ST6GALNAC3: variants seen among roughly 807,000 people sequenced by gnomAD.
ST6GALNAC3 encodes ST6 N-acetylgalactosaminide alpha-2,6-sialyltransferase 3, also known as alpha-N-acetylgalactosaminide alpha-2,6-sialyltransferase 3.
ST6GALNAC3 carries 25 observed loss-of-function variants against 32.7 expected under a neutral mutation model. The observed-to-expected ratio is 0.76, with a 90% CI of 0.56 to 1.07. The LOEUF (loss-of-function observed/expected upper bound fraction) is 1.07. ST6GALNAC3 is among the 50% of genes least tolerant of loss of function. The pLI is 0.00. For missense variants in ST6GALNAC3, 355 were observed against 382.4 expected (o/e 0.93, Z 0.60); for synonymous variants, 129 against 133.1 (o/e 0.97, Z 0.21).
intron 1 of ST6GALNAC3, among the ~76,000 whole-genome samples, chr1:76,241,838 G>A (rs1426668465): frequency 6.6e-6 from 1 of 152,046 alleles, no homozygotes; most frequent in South Asian, 2.1e-4. Context: ...CACTTTTAGT[G>A]TGACTACCAG....
chr1:76,076,549 G>A (rs746583440), intron 1 of ST6GALNAC3, among the ~76,000 whole-genome samples: 3 of 152,170 alleles, frequency 2.0e-5, no homozygotes, highest in Non-Finnish European at 2.9e-5. Flanking sequence ...TAAGATCAAA[G>A]TAGTGGCACC....
Position 76,307,014 on chromosome 1 carries a change from T to G in ST6GALNAC3, c.19-6791T>G, listed in dbSNP as rs557646813. ...CTTTAGCATATTGATTCAGTATATC[T>G]CCCTTTATAGAAAAGAAAGAAAGCA... On this transcript the variant is annotated intron_variant, in intron 1 of 4. Transcript: ENST00000328299. Among the ~76,000 whole-genome samples, 5 of 152,184 alleles carry G rather than the reference T, an allele frequency of 3.3e-5. No individual in the cohort carries two copies. The South Asian group carries it at 1.0e-3, about 32-fold the overall frequency.
intron 1 of ST6GALNAC3, among the ~76,000 whole-genome samples, chr1:76,113,102 G>A (rs370250574): frequency 0.071 from 10,875 of 152,116 alleles, 541 homozygotes; most frequent in Middle Eastern, 0.16. Context: ...TCGGGAGGCC[G>A]AGGCTGGCGG....
At chr1:76,445,324 G>A (rs1405715726) in intron 3 of ST6GALNAC3, among the ~76,000 whole-genome samples, 1 of 152,080 alleles carries the variant, frequency 6.6e-6, no homozygotes, top group East Asian at 1.9e-4. Flanking sequence ...CAAATCCTCA[G>A]GTCTCACCCC....
At chr1:76,179,424 C>T (rs1271886744) in intron 1 of ST6GALNAC3, among the ~76,000 whole-genome samples, 1 of 152,218 alleles carries the variant, frequency 6.6e-6, no homozygotes, top group Non-Finnish European at 1.5e-5. Flanking sequence ...CTTTCCCCCA[C>T]CTCCATTGTC....
chr1:76,278,206 C>CCACTTGATCTTAGCCAAAAGGCCG (rs1553172672), intron 1 of ST6GALNAC3, among the ~76,000 whole-genome samples: 5 of 141,846 alleles, frequency 3.5e-5, no homozygotes, highest in African/African-American at 1.2e-4. Flanking sequence ...CATGTATTCT[C>CCACTTGATCTTAGCCAAAAGGCCG]ATTATTGCTA....
Position 76,631,075 on chromosome 1 carries a change from CTT to C in ST6GALNAC3, c.*2271_*2272del. The C allele has an allele frequency of 1.0e-6, 1 of 970,994 alleles. No homozygotes were observed. Among genetic ancestry groups the C allele is most frequent in the Non-Finnish European group, 1.2e-6 (1 of 816,848 alleles). 60.1% of individuals were successfully genotyped at this position (970,994 alleles called of 1,614,324 possible). On this transcript the variant is annotated 3_prime_UTR_variant, in exon 5 of 5. Coordinates refer to ENST00000328299, the MANE Select transcript of ST6GALNAC3 (RefSeq NM_152996.4). ...TGCTTGCTCTCCTGCCTCGTTGTAG[CTT>C]TCTCTGATGAAGACTTCTGCAGTAT...
chr1:76,412,127 C>T lies in ST6GALNAC3; in HGVS notation c.333C>T (p.Pro111=). Residue 111 remains proline, a synonymous_variant, in exon 3 of 5, where the codon CCC becomes CCT. Coordinates refer to ENST00000328299, the MANE Select transcript of ST6GALNAC3 (RefSeq NM_152996.4). ...SSCIWRMNNA[P]TKGYEEDVGR... ...GCATTTGGAGAATGAACAATGCCCC[C>T]ACCAAAGGTTATGAAGAAGATGTCG... 1 of 1,613,698 alleles carries T rather than the reference C, an allele frequency of 6.2e-7. No individual in the cohort carries two copies. Among genetic ancestry groups the T allele is most frequent in the Non-Finnish European group, 8.5e-7 (1 of 1,179,806 alleles).
chr1:76,534,770 T>C (rs1307761262), intron 3 of ST6GALNAC3, among the ~76,000 whole-genome samples: 2 of 152,200 alleles, frequency 1.3e-5, no homozygotes, highest in African/African-American at 2.4e-5. Flanking sequence ...AGTGTCTAAA[T>C]TGTACATGGC....
intron 2 of ST6GALNAC3, among the ~76,000 whole-genome samples, chr1:76,360,227 G>C (rs1356134520): frequency 6.6e-6 from 1 of 152,176 alleles, no homozygotes; most frequent in Non-Finnish European, 1.5e-5. Flanking sequence ...TTCTGTCTCT[G>C]ATTACTTCAT....
intron 3 of ST6GALNAC3, among the ~76,000 whole-genome samples, chr1:76,555,550 G>A (rs1664867845): frequency 6.6e-6 from 1 of 152,110 alleles, no homozygotes; most frequent in African/African-American, 2.4e-5. Flanking sequence ...TCCTAAAGGT[G>A]AGATTTGAGA....
chr1:76,576,982 A>G, intron 3 of ST6GALNAC3: 2 of 1,268,836 alleles, frequency 1.6e-6, no homozygotes, highest in Non-Finnish European at 2.1e-6. Context: ...TAAGCAAGAC[A>G]AAACAAATAC....
intron 3 of ST6GALNAC3, among the ~76,000 whole-genome samples, chr1:76,560,799 G>T (rs1049904795): frequency 6.6e-6 from 1 of 152,124 alleles, no homozygotes; most frequent in Admixed American, 6.5e-5. Flanking sequence ...ACTAAATATA[G>T]AGTTACTGTA....
At chr1:76,289,130 C>T (rs1413818852) in intron 1 of ST6GALNAC3, among the ~76,000 whole-genome samples, 2 of 152,230 alleles carry the variant, frequency 1.3e-5, no homozygotes, top group African/African-American at 4.8e-5. Flanking sequence ...ATGTTACTTA[C>T]ACTTTGGTGT....
intron 3 of ST6GALNAC3, among the ~76,000 whole-genome samples, chr1:76,421,007 T>C (rs1654996472): frequency 6.6e-6 from 1 of 152,068 alleles, no homozygotes. Context: ...TTTGAGGGAA[T>C]ACCAGCCTTG....
chr1:76,392,204 C>CT (rs1302993913), intron 2 of ST6GALNAC3, among the ~76,000 whole-genome samples: 3 of 151,902 alleles, frequency 2.0e-5, no homozygotes, highest in Non-Finnish European at 2.9e-5. Flanking sequence ...GTGAGAGCTG[C>CT]TTTTTTTTAG....
At chr1:76,354,926 G>A (rs1205733058) in intron 2 of ST6GALNAC3, among the ~76,000 whole-genome samples, 2 of 152,162 alleles carry the variant, frequency 1.3e-5, no homozygotes, top group Non-Finnish European at 2.9e-5. Flanking sequence ...AATAAGAGGG[G>A]AAAATGTAAG....
intron 3 of ST6GALNAC3, among the ~76,000 whole-genome samples, chr1:76,606,164 C>T (rs1363122300): frequency 1.3e-5 from 2 of 152,070 alleles, no homozygotes; most frequent in East Asian, 3.9e-4. Context: ...GGGGTGATTC[C>T]TCAAAGACCT....
chr1:76,134,318 TG>T (rs1649800196), intron 1 of ST6GALNAC3, among the ~76,000 whole-genome samples: 1 of 152,232 alleles, frequency 6.6e-6, no homozygotes, highest in Admixed American at 6.5e-5. Context: ...GAGTAATGTC[TG>T]GCTTATAGTT....
Sources: allele counts gnomAD v4.1 joint callset (sites outside exome capture counted in the v4.1 genomes callset), GRCh38; gene constraint gnomAD v4.1.1; transcripts MANE v1.5; gene names NCBI Gene and HGNC (gene_info 2026-07-23, HGNC 2026-07-21).